The following GOSR2 variants were observed in gnomAD, a reference collection of about 807,000 sequenced individuals.
GOSR2 encodes the protein 27 kDa Golgi SNARE protein.
In GOSR2, 20 loss-of-function variants were observed where a neutral mutation model predicts 27.9. The observed-to-expected ratio is 0.72, with a 90% CI of 0.50 to 1.04. The LOEUF (loss-of-function observed/expected upper bound fraction) is 1.04, where lower values mean the gene tolerates loss of function less well. Ranked by LOEUF, GOSR2 falls within the 50% of genes least tolerant of loss-of-function variation. The pLI is 0.00. For missense variants in GOSR2, 261 were observed against 270.5 expected, an observed-to-expected ratio of 0.97 and a Z score of 0.25; for synonymous variants, 91 against 98.8, an observed-to-expected ratio of 0.92 and a Z score of 0.47.
At chr17:46,949,676 A>G (rs2090183034) in intron 6 of GOSR2, among the ~76,000 whole-genome samples, 1 of 152,236 alleles carries the variant, frequency 6.6e-6, no homozygotes. Flanking sequence ...CAAGGTGCTT[A>G]GGGCCATGGC....
Position 46,941,881 on chromosome 17 carries a change from T to A in GOSR2, c.*3121T>A. 1 of 976,172 alleles carries A rather than the reference T, an allele frequency of 1.0e-6. No individual in the cohort carries two copies. Among genetic ancestry groups the A allele is most frequent in the Non-Finnish European group, 1.2e-6 (1 of 821,558 alleles). 60.5% of individuals were successfully genotyped at this position (976,172 alleles called of 1,614,324 possible). The stretch of plus-strand genomic sequence containing the variant: ...GGTTACAGGTGTTAGCCACTGTACC[T>A]GGCCTCTAAGGTGATTCTGATGTGT... On this transcript the variant is annotated 3_prime_UTR_variant, in exon 6 of 6. Coordinates refer to ENST00000640051, the MANE Select transcript of GOSR2 (RefSeq NM_004287.5).
chr17:46,926,103 G>A (rs1170378185), intron 1 of GOSR2, among the ~76,000 whole-genome samples: 5 of 152,128 alleles, frequency 3.3e-5, no homozygotes, highest in Non-Finnish European at 5.9e-5. Context: ...CTTAAGAACT[G>A]TTACCTTATC....
intron 4 of GOSR2, among the ~76,000 whole-genome samples, chr17:46,934,553 C>T (rs561012186): frequency 4.9e-4 from 75 of 152,264 alleles, no homozygotes; most frequent in African/African-American, 1.7e-3. Flanking sequence ...GCACAGCCTC[C>T]TCTATCCTTA....
chr17:46,946,047 A>C (rs1483387907), downstream of GOSR2, among the ~76,000 whole-genome samples: 2 of 152,110 alleles, frequency 1.3e-5, no homozygotes, highest in Non-Finnish European at 2.9e-5. Flanking sequence ...CGGGGCCTCC[A>C]GGGCTGAATT....
intron 6 of GOSR2, among the ~76,000 whole-genome samples, chr17:46,957,938 G>T (rs1235645002): frequency 6.6e-6 from 1 of 152,230 alleles, no homozygotes; most frequent in Non-Finnish European, 1.5e-5. Context: ...CATGGCAATG[G>T]AAGTGAGAGG....
At position 46,938,990 on chromosome 17, in the gene GOSR2, C is replaced by A; in HGVS notation, c.*230C>A. ...GCGGTGCTTAGGAAATGAAAGAAGT[C>A]CCGGGTCTGTCTCTCTCACTCTCGC... On this transcript the variant is annotated 3_prime_UTR_variant, in exon 6 of 6. Transcript: ENST00000640051. 1.4e-6 allele frequency: 2 copies of A among 1,387,528 alleles called. No individual in the cohort carries two copies. The highest frequency in any genetic ancestry group is 2.4e-5 in the Admixed American group (1 of 40,994). The allele number at this position is 1,387,528 out of a possible 1,614,324, so 86.0% of individuals were successfully genotyped here. A position where few individuals can be genotyped will look rare whatever the true frequency, so the allele number is the denominator to read the frequency against.
chr17:46,970,532 T>C, downstream of GOSR2, among the ~76,000 whole-genome samples: 1 of 72,176 alleles, frequency 1.4e-5, no homozygotes, highest in Non-Finnish European at 2.4e-5. Flanking sequence ...ACAGACTCCA[T>C]CTCAAAAAAA....
At chr17:46,933,306 A>G (rs571300008) in intron 4 of GOSR2, 11 of 152,286 alleles carry the variant, frequency 7.2e-5, no homozygotes, top group African/African-American at 2.6e-4. Flanking sequence ...GCTATAATAC[A>G]TTTTTCTGAG....
chr17:46,928,808 T>C (rs764692087), intron 1 of GOSR2, among the ~76,000 whole-genome samples: 6 of 152,200 alleles, frequency 3.9e-5, no homozygotes, highest in Admixed American at 2.0e-4. Flanking sequence ...AATTTTTGCA[T>C]ATCATTTTCT....
intron 6 of GOSR2, among the ~76,000 whole-genome samples, chr17:46,952,405 A>G (rs1444752182): frequency 6.6e-6 from 1 of 152,128 alleles, no homozygotes; most frequent in East Asian, 1.9e-4. Context: ...TTTCCTGACC[A>G]ACATCCATTC....
rs183238735 is a variant in GOSR2, at chr17:46,927,371, A to G, written c.30-2149A>G. Among the ~76,000 whole-genome samples the G allele has an allele frequency of 2.3e-3, 354 of 151,836 alleles. 1 individual carries two copies. The highest frequency in any genetic ancestry group is 3.4e-3 in the Middle Eastern group (1 of 294). ...TGGTGTACAGAAGTTTTTTGTTTTC[A>G]TGTTGTCAGATGTATCCATCTTTTT... On this transcript the variant is annotated intron_variant, in intron 1 of 5. Transcript: ENST00000640051.
At chr17:46,951,115 G>A (rs1370737864) in intron 6 of GOSR2, among the ~76,000 whole-genome samples, 2 of 152,186 alleles carry the variant, frequency 1.3e-5, no homozygotes, top group African/African-American at 4.8e-5. Context: ...TCCAGCTTGA[G>A]GGCATCATCT....
At chr17:46,923,644 A>G in intron 1 of GOSR2, 4 of 1,155,802 alleles carry the variant, frequency 3.5e-6, no homozygotes, top group Non-Finnish European at 4.4e-6. Context: ...CACGTACGGG[A>G]AAGTATTTGT....
At chr17:46,935,884 G>C (rs2088241751) in intron 5 of GOSR2, 1 of 985,864 alleles carries the variant, frequency 1.0e-6, no homozygotes, top group Admixed American at 6.1e-5. Context: ...TAGGGCGTGG[G>C]TTCTGTCTGT....
In GOSR2 at chr17:46,931,110, G is replaced by A. The variant is rs745538896; in HGVS notation, c.106G>A (p.Glu36Lys). 1.3e-5 allele frequency: 20 copies of A among 1,588,718 alleles called. No individual in the cohort carries two copies. Among genetic ancestry groups the A allele is most frequent in the African/African-American group, 1.1e-4 (8 of 74,434 alleles). ...DKQSVHIVEN[E>K]IQASIDQIFS... Reference sequence around the variant, plus strand: ...TCTTTTTTGTACAGTAGTAGAAAACGAAATCCAAGCAAGCATAGACCAGAT... The same window carrying A: ...TCTTTTTTGTACAGTAGTAGAAAACAAAATCCAAGCAAGCATAGACCAGAT... Residue 36 changes from glutamate to lysine, a missense_variant, in exon 3 of 6, where the codon GAA (glutamate) becomes AAA (lysine). Physicochemically the swap from Glu to Lys is moderately conservative, Grantham distance 56. Coordinates refer to ENST00000640051, the MANE Select transcript of GOSR2 (RefSeq NM_004287.5).
At chr17:46,961,186 A>G (rs1479212516) in intron 6 of GOSR2, among the ~76,000 whole-genome samples, 1 of 152,212 alleles carries the variant, frequency 6.6e-6, no homozygotes, top group Non-Finnish European at 1.5e-5. Context: ...TGCTTTTAAA[A>G]ATGGAAGGGT....
At chr17:46,931,853 G>A in intron 3 of GOSR2, 1 of 599,864 alleles carries the variant, frequency 1.7e-6, no homozygotes, top group East Asian at 2.8e-5. Flanking sequence ...CAAGCTGCTG[G>A]AATCTTGTGT....
At chr17:46,924,503 AT>A (rs1252041922) in intron 1 of GOSR2, 1 of 152,228 alleles carries the variant, frequency 6.6e-6, no homozygotes, top group African/African-American at 2.4e-5. Flanking sequence ...TTTCAAACTT[AT>A]GCTGTAGTTT....
At chr17:46,946,840 G>GT (rs1397014816), downstream of GOSR2, among the ~76,000 whole-genome samples, 2 of 152,238 alleles carry the variant, frequency 1.3e-5, no homozygotes, top group African/African-American at 4.8e-5. Flanking sequence ...TCTAGCCTGG[G>GT]TGACGAAATG....
Sources: gnomAD v4.1 joint callset for allele counts (sites outside exome capture counted in the v4.1 genomes callset) on GRCh38, gnomAD v4.1.1 for gene constraint, MANE v1.5 for transcripts, NCBI Gene and HGNC (gene_info 2026-07-23, HGNC 2026-07-21) for gene names.